Variants in RABGEF1 observed in about 807,000 individuals in gnomAD.
RABGEF1 encodes rab5 GDP/GTP exchange factor.
RABGEF1 carries 26 observed loss-of-function variants against 57.3 expected under a neutral mutation model. That is an observed-to-expected ratio of 0.45 (90% CI 0.33 to 0.63). The LOEUF (loss-of-function observed/expected upper bound fraction) is 0.63, where lower values mean the gene tolerates loss of function less well. Among genes scored for constraint, RABGEF1 ranks in the 20% least tolerant of loss-of-function variants. The pLI is 0.02. For missense variants in RABGEF1, 464 were observed against 607.6 expected, an observed-to-expected ratio of 0.76 and a Z score of 2.48; for synonymous variants, 185 against 210.7, an observed-to-expected ratio of 0.88 and a Z score of 1.06.
chr7:66,757,610 C>G (rs74986203), intron 1 of RABGEF1, among the ~76,000 whole-genome samples: 5 of 152,128 alleles, frequency 3.3e-5, no homozygotes, highest in Admixed American at 2.0e-4. Context: ...TGGATGATGA[C>G]TAAAACTTTT....
At chr7:66,656,516 T>A in the RABGEF1 span, among the ~76,000 whole-genome samples, 8 of 152,104 alleles carry the variant, frequency 5.3e-5, no homozygotes, top group East Asian at 5.8e-4. Context: ...GCTGGGTCCC[T>A]GTGTGGTTAA....
At chr7:66,797,965 A>G (rs1786389709) in intron 6 of RABGEF1, among the ~76,000 whole-genome samples, 1 of 152,130 alleles carries the variant, frequency 6.6e-6, no homozygotes, top group Non-Finnish European at 1.5e-5. Context: ...AAAAATACAA[A>G]AATTAGCCAG....
intron 1 of RABGEF1, among the ~76,000 whole-genome samples, chr7:66,744,628 A>G (rs1360012777): frequency 6.8e-6 from 1 of 148,098 alleles, no homozygotes; most frequent in African/African-American, 2.5e-5. Flanking sequence ...AGATGGCGCC[A>G]CTGCACTCCA....
At chr7:66,757,170 A>G (rs1335148275) in intron 1 of RABGEF1, among the ~76,000 whole-genome samples, 1 of 152,196 alleles carries the variant, frequency 6.6e-6, no homozygotes, top group Non-Finnish European at 1.5e-5. Context: ...TGTTAAGTAT[A>G]TTTCCATATT....
At chr7:66,739,043 C>T (rs1422239101), upstream of RABGEF1, among the ~76,000 whole-genome samples, 4 of 152,008 alleles carry the variant, frequency 2.6e-5, no homozygotes, top group African/African-American at 7.2e-5. Flanking sequence ...CTCCGCTTCC[C>T]GGGCTCAAGT....
At position 66,760,210 on chromosome 7, in the gene RABGEF1, T is replaced by G. The variant is rs185328162; in HGVS notation, c.-17-11673T>G. On this transcript the variant is annotated intron_variant, in intron 1 of 8. Coordinates refer to ENST00000284957, the MANE Select transcript of RABGEF1 (RefSeq NM_014504.3). ...TTCCTTGCCTTCGACACTCTTAACC[T>G]GGAAAAAGCACTAATTTGTCCTCCA... Among the ~76,000 whole-genome samples the G allele has an allele frequency of 8.5e-5, 13 of 152,324 alleles. No homozygotes were observed. In the East Asian group the frequency reaches 2.5e-3, roughly 29 times the overall value.
At chr7:66,655,851 G>T in the RABGEF1 span, among the ~76,000 whole-genome samples, 2 of 152,200 alleles carry the variant, frequency 1.3e-5, no homozygotes, top group Non-Finnish European at 2.9e-5. Context: ...GACCTTCCAA[G>T]CAGTCATGTT....
chr7:66,685,784 C>T (rs757043573), intron 1 of RABGEF1, among the ~76,000 whole-genome samples: 2 of 152,208 alleles, frequency 1.3e-5, no homozygotes, highest in Admixed American at 6.5e-5. Flanking sequence ...TTACCTATGT[C>T]AGTCTCTGGC....
the RABGEF1 span, among the ~76,000 whole-genome samples, chr7:66,673,768 T>G: frequency 6.6e-6 from 1 of 151,428 alleles, no homozygotes; most frequent in Non-Finnish European, 1.5e-5. Flanking sequence ...TGGTCCCAGT[T>G]ATTCGGGAGG....
chr7:66,785,768 G>A (rs962551848), intron 4 of RABGEF1, among the ~76,000 whole-genome samples: 1 of 152,164 alleles, frequency 6.6e-6, no homozygotes, highest in African/African-American at 2.4e-5. Context: ...CAGCTACTTG[G>A]GAGGCTGAGG....
chr7:66,736,945 C>T (rs970413692), upstream of RABGEF1, among the ~76,000 whole-genome samples: 5 of 152,000 alleles, frequency 3.3e-5, no homozygotes, highest in African/African-American at 7.3e-5. Context: ...GACACACACA[C>T]GTACACACAC....
chr7:66,753,402 A>G (rs1429497310), intron 1 of RABGEF1, among the ~76,000 whole-genome samples: 3 of 152,194 alleles, frequency 2.0e-5, no homozygotes, highest in African/African-American at 7.2e-5. Flanking sequence ...GTTTACAACA[A>G]TTCTTATTGG....
chr7:66,718,237 C>G (rs1022063865), intron 2 of RABGEF1, among the ~76,000 whole-genome samples: 1 of 152,050 alleles, frequency 6.6e-6, no homozygotes, highest in Non-Finnish European at 1.5e-5. Flanking sequence ...CCCAGCTACT[C>G]AGGAGGCTGA....
At chr7:66,758,717 A>G (rs1260988288) in intron 1 of RABGEF1, among the ~76,000 whole-genome samples, 3 of 152,140 alleles carry the variant, frequency 2.0e-5, no homozygotes, top group African/African-American at 4.8e-5. Context: ...AACAGCTGTC[A>G]CCACCACCAC....
intron 7 of RABGEF1, among the ~76,000 whole-genome samples, chr7:66,801,899 TTTAG>T (rs773330945): frequency 4.1e-4 from 62 of 152,022 alleles, no homozygotes; most frequent in South Asian, 2.5e-3. Context: ...GACTTATTTA[TTTAG>T]TTAGTTAGTT....
At chr7:66,696,602 A>C (rs1584727274) in intron 1 of RABGEF1, among the ~76,000 whole-genome samples, 1 of 150,436 alleles carries the variant, frequency 6.6e-6, no homozygotes, top group African/African-American at 2.4e-5. Flanking sequence ...AGGCAGGAGG[A>C]TCACTTGAAC....
chr7:66,791,083 G>C (rs950036178), intron 4 of RABGEF1, among the ~76,000 whole-genome samples: 1 of 152,118 alleles, frequency 6.6e-6, no homozygotes, highest in African/African-American at 2.4e-5. Context: ...CATTTCTTAC[G>C]CTAAAAATAA....
intron 1 of RABGEF1, among the ~76,000 whole-genome samples, chr7:66,700,134 G>T (rs796453879): frequency 6.6e-6 from 1 of 152,202 alleles, no homozygotes; most frequent in Non-Finnish European, 1.5e-5. Flanking sequence ...TGAAGGGAGG[G>T]ACGGAGGCCC....
intron 7 of RABGEF1, 88 bp from the exon 8 acceptor site, chr7:66,805,052 A>C (rs762327932): frequency 5.0e-6 from 7 of 1,410,090 alleles, no homozygotes; most frequent in Non-Finnish European, 6.8e-6. Context: ...GGATTCCTTC[A>C]TAACTTTAGA....
Sources: allele counts gnomAD v4.1 joint callset (sites outside exome capture counted in the v4.1 genomes callset), GRCh38; gene constraint gnomAD v4.1.1; transcripts MANE v1.5; gene names NCBI Gene and HGNC (gene_info 2026-07-23, HGNC 2026-07-21).